MECOM: variants seen among roughly 807,000 people sequenced by gnomAD.
MECOM encodes the protein MDS1 and EVI1 complex locus, also known as histone-lysine N-methyltransferase MECOM.
A neutral mutation model predicts 116.3 loss-of-function variants in MECOM; 13 were observed. The observed-to-expected ratio is 0.11, with a 90% confidence interval of 0.07 to 0.18. The LOEUF is 0.18. Among genes scored for constraint, MECOM ranks in the 10% least tolerant of loss-of-function variants. MECOM has a pLI of 1.00. For synonymous variants in MECOM, 528 were observed against 535.2 expected (o/e 0.99, Z 0.19); for missense variants, 1,299 against 1,509.0 (o/e 0.86, Z 2.31).
chr3:169,090,405 C>A (rs1410420670), intron 14 of MECOM, among the ~76,000 whole-genome samples, 169 bp from the exon 15 acceptor site: 2 of 151,900 alleles, frequency 1.3e-5, no homozygotes, highest in African/African-American at 4.8e-5. Flanking sequence ...TGTGACTTCA[C>A]AAATGGGAAG....
intron 1 of MECOM, among the ~76,000 whole-genome samples, chr3:169,562,284 CAG>C (rs1394348916): frequency 2.0e-5 from 3 of 150,138 alleles, no homozygotes; most frequent in Non-Finnish European, 4.4e-5. Context: ...ACAAAATAAA[CAG>C]AGTGCTCTCA....
chr3:169,608,809 A>G (rs1280003550), intron 1 of MECOM, among the ~76,000 whole-genome samples: 1 of 152,204 alleles, frequency 6.6e-6, no homozygotes, highest in Non-Finnish European at 1.5e-5. Flanking sequence ...TTCTGCTCTG[A>G]CTAAAATTGT....
At chr3:169,364,383 C>A (rs1386326611) in intron 2 of MECOM, among the ~76,000 whole-genome samples, 1 of 151,952 alleles carries the variant, frequency 6.6e-6, no homozygotes, top group Non-Finnish European at 1.5e-5. Flanking sequence ...ATATATTAAA[C>A]TTGTTTATTA....
At chr3:169,564,700 T>G (rs1484727831) in intron 1 of MECOM, among the ~76,000 whole-genome samples, 4 of 152,168 alleles carry the variant, frequency 2.6e-5, no homozygotes, top group African/African-American at 9.7e-5. Context: ...ATTACCAAAA[T>G]CTCCATTTTT....
At chr3:169,542,824 C>T (rs79960195) in intron 1 of MECOM, among the ~76,000 whole-genome samples, 21 of 152,304 alleles carry the variant, frequency 1.4e-4, no homozygotes, top group African/African-American at 5.1e-4. Flanking sequence ...CTGGGGTTAT[C>T]ATTAATGATC....
intron 2 of MECOM, among the ~76,000 whole-genome samples, chr3:169,171,837 G>A (rs1744455807): frequency 6.6e-6 from 1 of 151,958 alleles, no homozygotes; most frequent in Admixed American, 6.6e-5. Flanking sequence ...AAAACTTTTG[G>A]CCTTACTTTT....
intron 2 of MECOM, among the ~76,000 whole-genome samples, chr3:169,176,696 G>T (rs552609576): frequency 6.6e-6 from 1 of 151,924 alleles, no homozygotes; most frequent in Non-Finnish European, 1.5e-5. Context: ...CAGAATGGTG[G>T]AAAATTTTTG....
chr3:169,203,297 G>A (rs1330666294), intron 2 of MECOM, among the ~76,000 whole-genome samples: 1 of 151,966 alleles, frequency 6.6e-6, no homozygotes, highest in Non-Finnish European at 1.5e-5. Flanking sequence ...CAGCCCTTTT[G>A]AAAACATGTC....
At chr3:169,518,031 G>A (rs1437147951) in intron 1 of MECOM, among the ~76,000 whole-genome samples, 8 of 152,224 alleles carry the variant, frequency 5.3e-5, no homozygotes, top group African/African-American at 1.7e-4. Context: ...AGGCCAAGGC[G>A]GGCTGATCAC....
At chr3:169,294,103 T>C (rs557945061) in intron 2 of MECOM, among the ~76,000 whole-genome samples, 2 of 152,228 alleles carry the variant, frequency 1.3e-5, no homozygotes, top group Non-Finnish European at 2.9e-5. Context: ...AGTGATTTTA[T>C]TGGTTTATCA....
chr3:169,272,503 T>C (rs2149658750), intron 2 of MECOM, among the ~76,000 whole-genome samples: 1 of 152,134 alleles, frequency 6.6e-6, no homozygotes, highest in Non-Finnish European at 1.5e-5. Context: ...AACCTGGTCA[T>C]AGAAAAAAAA....
chr3:169,208,781 G>T lies in MECOM; in HGVS notation c.376-64949C>A, dbSNP rs1750298983. 2.0e-5 allele frequency among the ~76,000 whole-genome samples: 3 copies of T among 151,418 alleles called. 1 individual carries two copies. Among genetic ancestry groups the T allele is most frequent in the Admixed American group, 2.0e-4 (3 of 15,146 alleles). On this transcript the variant is annotated intron_variant, in intron 2 of 16. Coordinates refer to ENST00000651503, the MANE Select transcript of MECOM (RefSeq NM_004991.4). ...GCCATACTGCCCAAAGTAATTTATA[G>T]ATTCAATTCTATTCCCATCAAACTA...
chr3:169,454,512 T>G (rs972757699), intron 1 of MECOM, among the ~76,000 whole-genome samples: 9 of 152,138 alleles, frequency 5.9e-5, no homozygotes, highest in African/African-American at 2.2e-4. Context: ...TGAGGTTTGC[T>G]TTGTGTCTTT....
At chr3:169,125,886 G>A (rs1422447819) in intron 5 of MECOM, among the ~76,000 whole-genome samples, 1 of 152,008 alleles carries the variant, frequency 6.6e-6, no homozygotes, top group African/African-American at 2.4e-5. Flanking sequence ...GACAGCAGAA[G>A]AACAGATCAA....
At chr3:169,085,065 C>T (rs946120209) in intron 16 of MECOM, 22 bp from the exon 17 acceptor site, 7 of 1,613,418 alleles carry the variant, frequency 4.3e-6, no homozygotes, top group African/African-American at 1.3e-5. Context: ...AGGAGAGAGA[C>T]TCAGTAAATG....
At chr3:169,387,644 G>C (rs746648317) in intron 1 of MECOM, among the ~76,000 whole-genome samples, 1 of 152,160 alleles carries the variant, frequency 6.6e-6, no homozygotes. Flanking sequence ...AAGTAAGACT[G>C]ATTTCTGTAG....
At position 169,084,259 on chromosome 3, in the gene MECOM, G is replaced by A. The variant is rs1716987704; in HGVS notation, c.*650C>T. 1 of 231,240 alleles carries A rather than the reference G, an allele frequency of 4.3e-6. No homozygotes were observed. The highest frequency in any genetic ancestry group is 6.1e-5 in the East Asian group (1 of 16,304). 14.3% of individuals were successfully genotyped at this position (231,240 alleles called of 1,614,324 possible). On this transcript the variant is annotated 3_prime_UTR_variant, in exon 17 of 17. Coordinates refer to ENST00000651503, the MANE Select transcript of MECOM (RefSeq NM_004991.4). ...CTGGTGATGAATAGGTTACTTCACTGACTTAACCTCTTTGAGTGTTAACAT... is the reference window on the plus strand; with the variant it reads ...CTGGTGATGAATAGGTTACTTCACTAACTTAACCTCTTTGAGTGTTAACAT...
rs192856071 is a variant in MECOM at position 169,655,289 on chromosome 3, C to T, written c.37+8047G>A. Among the ~76,000 whole-genome samples the T allele has an allele frequency of 2.3e-3, 354 of 152,262 alleles. 3 individuals carry two copies. Among genetic ancestry groups the T allele is most frequent in the Admixed American group, 0.018 (280 of 15,288 alleles). ...AATAAAAATAGGAGAGAGCTTAAGG[C>T]TTATACCCACCTTGCTTCACTCATT... is the stretch of plus-strand genomic sequence containing the variant. On this transcript the variant is annotated intron_variant, in intron 1 of 16. Coordinates refer to ENST00000651503, the MANE Select transcript of MECOM (RefSeq NM_004991.4).
chr3:169,281,776 C>A (rs763170912), intron 2 of MECOM, among the ~76,000 whole-genome samples: 1 of 152,040 alleles, frequency 6.6e-6, no homozygotes, highest in Non-Finnish European at 1.5e-5. Context: ...TGTAACACTG[C>A]ATTTCAGCCT....
Sources: gnomAD v4.1 joint callset for allele counts (sites outside exome capture counted in the v4.1 genomes callset) on GRCh38, gnomAD v4.1.1 for gene constraint, MANE v1.5 for transcripts, NCBI Gene and HGNC (gene_info 2026-07-23, HGNC 2026-07-21) for gene names.